The following NRXN1 variants were observed in gnomAD, a reference collection of about 807,000 sequenced individuals.
NRXN1 encodes the protein neurexin-1.
A neutral mutation model predicts 150.9 loss-of-function variants in NRXN1; 39 were observed. That is an observed-to-expected ratio of 0.26 (90% CI 0.20 to 0.34). The LOEUF is 0.34. NRXN1 is among the 10% of genes least tolerant of loss of function. The pLI, the probability that NRXN1 is intolerant of heterozygous loss-of-function variation, is 1.00. For missense variants in NRXN1, 1,815 were observed against 1,949.9 expected (o/e 0.93, Z 1.30); for synonymous variants, 924 against 757.0 (o/e 1.22, Z -3.62).
At chr2:50,299,348 G>A (rs2073938002) in intron 17 of NRXN1, among the ~76,000 whole-genome samples, 1 of 151,274 alleles carries the variant, frequency 6.6e-6, no homozygotes, top group Non-Finnish European at 1.5e-5. Context: ...CAGAACTTTT[G>A]CAGTTCTCAT....
chr2:50,868,140 ATTATATAT>A (rs1447942022), intron 5 of NRXN1, among the ~76,000 whole-genome samples: 7 of 84,752 alleles, frequency 8.3e-5, no homozygotes, highest in Non-Finnish European at 1.4e-4. Context: ...TAAACAAAAT[ATTATATAT>A]ATATATATAT....
chr2:50,326,807 G>A (rs966914559), intron 17 of NRXN1, among the ~76,000 whole-genome samples: 3 of 152,144 alleles, frequency 2.0e-5, no homozygotes, highest in African/African-American at 7.2e-5. Flanking sequence ...TTCAGCTAGA[G>A]CACACCTATG....
At chr2:50,245,475 T>C (rs571766406) in intron 17 of NRXN1, among the ~76,000 whole-genome samples, 1 of 152,070 alleles carries the variant, frequency 6.6e-6, no homozygotes, top group South Asian at 2.1e-4. Flanking sequence ...AGTAACTCAG[T>C]AATCAATTTG....
chr2:50,746,605 G>T (rs769347258), intron 5 of NRXN1, among the ~76,000 whole-genome samples: 47 of 151,932 alleles, frequency 3.1e-4, no homozygotes, highest in Non-Finnish European at 1.9e-4. Context: ...CAAAAATGTG[G>T]TCTGATTTTC....
At chr2:49,967,330 G>A (rs763798148) in intron 21 of NRXN1, among the ~76,000 whole-genome samples, 1 of 151,930 alleles carries the variant, frequency 6.6e-6, no homozygotes, top group Non-Finnish European at 1.5e-5. Flanking sequence ...TTAAAATAAA[G>A]CATGCTGATC....
At chr2:50,410,882 G>C (rs554112779) in intron 17 of NRXN1, among the ~76,000 whole-genome samples, 1 of 152,196 alleles carries the variant, frequency 6.6e-6, no homozygotes, top group South Asian at 2.1e-4. Context: ...AAGGAGGCAA[G>C]TTCCTAGCTT....
intron 5 of NRXN1, among the ~76,000 whole-genome samples, chr2:50,820,799 C>T (rs985437363): frequency 1.3e-5 from 2 of 152,120 alleles, no homozygotes; most frequent in Non-Finnish European, 2.9e-5. Flanking sequence ...AAACCACTTA[C>T]AGTGCCAATT....
intron 8 of NRXN1, among the ~76,000 whole-genome samples, chr2:50,591,693 C>T (rs970225281): frequency 5.3e-5 from 8 of 152,140 alleles, no homozygotes; most frequent in African/African-American, 1.7e-4. Context: ...GACAGCGAGG[C>T]CTCTGTGCTG....
chr2:50,380,304 G>GTT (rs2080862024), intron 17 of NRXN1, among the ~76,000 whole-genome samples: 2 of 151,890 alleles, frequency 1.3e-5, no homozygotes, highest in African/African-American at 2.4e-5. Flanking sequence ...GTGCGTGTGT[G>GTT]TGTGTATTTT....
At chr2:50,992,673 C>T (rs1327979088) in intron 2 of NRXN1, among the ~76,000 whole-genome samples, 2 of 151,960 alleles carry the variant, frequency 1.3e-5, no homozygotes, top group Non-Finnish European at 2.9e-5. Flanking sequence ...ATATACTTTG[C>T]CTCTCCGATT....
At chr2:50,195,574 T>C (rs2152827658) in intron 18 of NRXN1, among the ~76,000 whole-genome samples, 1 of 152,306 alleles carries the variant, frequency 6.6e-6, no homozygotes, top group South Asian at 2.1e-4. Flanking sequence ...CTATTCATCA[T>C]GGGAAAAAAT....
At chr2:50,445,764 GA>G (rs552089760) in intron 17 of NRXN1, among the ~76,000 whole-genome samples, 97 of 152,218 alleles carry the variant, frequency 6.4e-4, no homozygotes, top group East Asian at 2.3e-3. Context: ...CGGTATGACA[GA>G]AAAATAGGGT....
intron 18 of NRXN1, among the ~76,000 whole-genome samples, chr2:50,167,993 G>T (rs893931794): frequency 1.1e-4 from 17 of 151,974 alleles, no homozygotes; most frequent in African/African-American, 4.1e-4. Flanking sequence ...AAATGTTACA[G>T]AACAATGCTT....
At position 50,829,661 on chromosome 2, in the gene NRXN1, C is replaced by T. The variant is rs535800706; in HGVS notation, c.832+92208G>A. The T allele has an allele frequency of 3.7e-6, 6 of 1,611,604 alleles. No homozygotes were observed. The African/African-American group carries it at 6.7e-5, about 18-fold the overall frequency. The stretch of plus-strand genomic sequence containing the variant: ...TAGCCAGGTTGGTACGGGACGGCAT[C>T]ATAACAGGCTGACACAGCGGAGCGC... On this transcript the variant is annotated intron_variant, in intron 5 of 22. Coordinates refer to ENST00000401669, the MANE Select transcript of NRXN1 (RefSeq NM_001330078.2).
chr2:50,778,889 T>A (rs1301933163), intron 5 of NRXN1, among the ~76,000 whole-genome samples: 1 of 152,194 alleles, frequency 6.6e-6, no homozygotes, highest in African/African-American at 2.4e-5. Context: ...ACTATACATG[T>A]AATCATGTTT....
At chr2:50,671,487 A>G (rs891461906) in intron 5 of NRXN1, among the ~76,000 whole-genome samples, 1 of 151,646 alleles carries the variant, frequency 6.6e-6, no homozygotes, top group Non-Finnish European at 1.5e-5. Flanking sequence ...TCTGATAATT[A>G]TAAGTGATAC....
intron 18 of NRXN1, among the ~76,000 whole-genome samples, chr2:50,171,735 A>G (rs562712395): frequency 6.6e-6 from 1 of 152,214 alleles, no homozygotes; most frequent in South Asian, 2.1e-4. Context: ...GAGGACCACT[A>G]TTCTTGAATA....
intron 5 of NRXN1, among the ~76,000 whole-genome samples, chr2:50,806,354 C>T (rs1667508374): frequency 6.6e-6 from 1 of 152,046 alleles, no homozygotes. Context: ...ACATGTAAAC[C>T]TATATTTCAT....
At chr2:50,567,961 G>A (rs1670116476) in intron 8 of NRXN1, among the ~76,000 whole-genome samples, 1 of 152,048 alleles carries the variant, frequency 6.6e-6, no homozygotes. Context: ...CAATGTCTGT[G>A]GAGCTGTGCA....
Sources: allele counts gnomAD v4.1 joint callset (sites outside exome capture counted in the v4.1 genomes callset), GRCh38; gene constraint gnomAD v4.1.1; transcripts MANE v1.5; gene names NCBI Gene and HGNC (gene_info 2026-07-23, HGNC 2026-07-21).